The following ADAM18 variants were observed in gnomAD, a reference collection of about 807,000 sequenced individuals.
The protein encoded by ADAM18 is disintegrin and metalloproteinase domain-containing protein 18.
A neutral mutation model predicts 94.4 loss-of-function variants in ADAM18; 117 were observed. The ratio of observed to expected loss-of-function variants is 1.24; its 90% CI spans 1.07 to 1.45. ADAM18 has a LOEUF of 1.45. ADAM18 is among the 40% of genes most tolerant of loss of function. The pLI is 0.00. For synonymous variants in ADAM18, 327 were observed against 291.6 expected (o/e 1.12, Z -1.24); for missense variants, 936 against 880.0 (o/e 1.06, Z -0.81).
chr8:39,592,670 A>C (rs1407352644), intron 2 of ADAM18, among the ~76,000 whole-genome samples: 1 of 152,134 alleles, frequency 6.6e-6, no homozygotes, highest in Admixed American at 6.6e-5. Context: ...TGATGAAGAA[A>C]ATAGACTCTG....
chr8:39,649,447 G>A (rs1436204229), intron 12 of ADAM18, among the ~76,000 whole-genome samples: 1 of 151,960 alleles, frequency 6.6e-6, no homozygotes, highest in Non-Finnish European at 1.5e-5. Context: ...CTGATAAGCT[G>A]TACTGTGCTC....
intron 2 of ADAM18, among the ~76,000 whole-genome samples, chr8:39,586,591 G>T (rs1225685553): frequency 6.6e-6 from 1 of 152,110 alleles, no homozygotes; most frequent in Non-Finnish European, 1.5e-5. Flanking sequence ...ACTGGGTGTG[G>T]TGGTGTGTGC....
chr8:39,677,558 G>T (rs1406793242), intron 15 of ADAM18, 22 bp downstream of exon 15: 15 of 1,526,602 alleles, frequency 9.8e-6, no homozygotes, highest in Admixed American at 8.4e-5. Context: ...GAAAATGATT[G>T]CTTCTTTGAA....
chr8:39,636,727 C>A (rs1820083780), intron 7 of ADAM18, among the ~76,000 whole-genome samples: 1 of 151,740 alleles, frequency 6.6e-6, no homozygotes, highest in Non-Finnish European at 1.5e-5. Flanking sequence ...GGTCTCTAGA[C>A]TTACTTATTC....
chr8:39,682,648 C>A (rs1821498368), intron 16 of ADAM18, among the ~76,000 whole-genome samples: 1 of 152,176 alleles, frequency 6.6e-6, no homozygotes, highest in African/African-American at 2.4e-5. Context: ...CCCCCCCACA[C>A]ACACTTTGAA....
chr8:39,691,500 T>C (rs1477965400), intron 16 of ADAM18, among the ~76,000 whole-genome samples: 1 of 152,050 alleles, frequency 6.6e-6, no homozygotes, highest in Non-Finnish European at 1.5e-5. Context: ...GAAATAAGTA[T>C]ATTGAAGAGA....
intron 17 of ADAM18, among the ~76,000 whole-genome samples, chr8:39,693,931 A>G (rs1183858842): frequency 1.3e-5 from 2 of 151,192 alleles, no homozygotes; most frequent in African/African-American, 4.8e-5. Flanking sequence ...TTCCAGTTCA[A>G]TTTTATTAGC....
intron 18 of ADAM18, among the ~76,000 whole-genome samples, chr8:39,718,324 T>C (rs528056448): frequency 6.6e-6 from 1 of 151,494 alleles, no homozygotes; most frequent in African/African-American, 2.4e-5. Context: ...TGTTCATCAA[T>C]AATGTGTGGG....
In ADAM18 at chr8:39,712,008, A is replaced by C. The variant is rs149748784; in HGVS notation, c.2017+5104A>C. 2.1e-3 allele frequency among the ~76,000 whole-genome samples: 317 copies of C among 151,496 alleles called. 3 individuals carry two copies. Among genetic ancestry groups the C allele is most frequent in the African/African-American group, 7.3e-3 (300 of 41,174 alleles). On this transcript the variant is annotated intron_variant, in intron 18 of 19. Coordinates refer to ENST00000265707, the MANE Select transcript of ADAM18 (RefSeq NM_014237.3). ...TGAAGTATAACATGGAATAATATAA[A>C]ATGGTCAACTAAAATCAGAGAAGGC...
intron 18 of ADAM18, among the ~76,000 whole-genome samples, chr8:39,710,204 C>G (rs1394378470): frequency 6.6e-6 from 1 of 152,254 alleles, no homozygotes; most frequent in Admixed American, 6.5e-5. Flanking sequence ...TTAAAAGGAA[C>G]AGCAATAAGG....
chr8:39,622,088 AAGT>A (rs755885447), intron 6 of ADAM18, among the ~76,000 whole-genome samples: 9 of 152,132 alleles, frequency 5.9e-5, no homozygotes, highest in Non-Finnish European at 7.4e-5. Context: ...CTTAAAATAA[AAGT>A]AGGAGATTTT....
chr8:39,725,510 T>C (rs1366573567), intron 19 of ADAM18, among the ~76,000 whole-genome samples: 1 of 152,168 alleles, frequency 6.6e-6, no homozygotes, highest in East Asian at 1.9e-4. Context: ...CTCCCGCATC[T>C]CTTGGCAACC....
At chr8:39,660,792 T>C (rs1405479081) in intron 12 of ADAM18, among the ~76,000 whole-genome samples, 1 of 152,206 alleles carries the variant, frequency 6.6e-6, no homozygotes, top group Non-Finnish European at 1.5e-5. Context: ...TAAAAAGTAG[T>C]AATTCTAATC....
chr8:39,653,359 T>G (rs1454393031), intron 12 of ADAM18, among the ~76,000 whole-genome samples: 4 of 151,984 alleles, frequency 2.6e-5, no homozygotes, highest in African/African-American at 9.7e-5. Flanking sequence ...TCACTAAAGA[T>G]CTATACAGAT....
At chr8:39,711,306 T>G (rs1822389843) in intron 18 of ADAM18, among the ~76,000 whole-genome samples, 1 of 152,154 alleles carries the variant, frequency 6.6e-6, no homozygotes, top group African/African-American at 2.4e-5. Flanking sequence ...TAATCAGAGT[T>G]TCCTTGTTAT....
At chr8:39,589,879 A>T (rs1818521521) in intron 2 of ADAM18, among the ~76,000 whole-genome samples, 1 of 151,646 alleles carries the variant, frequency 6.6e-6, no homozygotes, top group South Asian at 2.1e-4. Flanking sequence ...TCAAAACCAC[A>T]ATGAGATACC....
chr8:39,625,069 A>C (rs1819723729), intron 6 of ADAM18, among the ~76,000 whole-genome samples: 1 of 152,142 alleles, frequency 6.6e-6, no homozygotes, highest in African/African-American at 2.4e-5. Context: ...CTTTTTTCTA[A>C]TTCTGTGAAA....
intron 6 of ADAM18, among the ~76,000 whole-genome samples, chr8:39,624,672 G>A (rs573330866): frequency 6.6e-6 from 1 of 152,176 alleles, no homozygotes; most frequent in Non-Finnish European, 1.5e-5. Context: ...CAGTGTTGGA[G>A]GTGGGGCCTC....
chr8:39,611,127 A>T (rs778339016), intron 6 of ADAM18: 398 of 984,372 alleles, frequency 4.0e-4, no homozygotes, highest in Non-Finnish European at 4.8e-4. Context: ...CTAGGTATAG[A>T]ATTCTTGCTG....
Sources: gnomAD v4.1 joint callset for allele counts (sites outside exome capture counted in the v4.1 genomes callset) on GRCh38, gnomAD v4.1.1 for gene constraint, MANE v1.5 for transcripts, NCBI Gene and HGNC (gene_info 2026-07-23, HGNC 2026-07-21) for gene names.